The following FOXN2 variants were observed in gnomAD, a reference collection of about 807,000 sequenced individuals.
FOXN2 encodes the protein forkhead box protein N2.
Under a neutral mutation model 41.2 loss-of-function variants are expected in FOXN2, and 19 were observed. That is an observed-to-expected ratio of 0.46 (90% CI 0.32 to 0.68). The LOEUF is 0.68. Ranked by LOEUF, FOXN2 falls within the 30% of genes least tolerant of loss-of-function variation. The pLI, the probability that FOXN2 is intolerant of heterozygous loss-of-function variation, is 0.03. For synonymous variants in FOXN2, 195 were observed against 176.8 expected (o/e 1.10, Z -0.82); for missense variants, 587 against 509.4 (o/e 1.15, Z -1.47).
chr2:48,361,594 A>G (rs948289334), intron 4 of FOXN2, among the ~76,000 whole-genome samples: 5 of 152,216 alleles, frequency 3.3e-5, no homozygotes, highest in African/African-American at 1.2e-4. Context: ...TCCATCTGAC[A>G]TGCTTTTGTG....
intron 2 of FOXN2, among the ~76,000 whole-genome samples, chr2:48,345,265 A>ATAAGAAGTGTTATC (rs1436376889): frequency 1.3e-5 from 2 of 152,170 alleles, no homozygotes; most frequent in Admixed American, 6.6e-5. Context: ...AATTTAGTGA[A>ATAAGAAGTGTTATC]TAAGAAGTGT....
intron 2 of FOXN2, 96 bp from the exon 3 acceptor site, chr2:48,346,105 A>G (rs1558625323): frequency 9.2e-7 from 1 of 1,091,640 alleles, no homozygotes; most frequent in East Asian, 2.4e-5. Context: ...TGATTGCAAA[A>G]TTTCTCTGAT....
chr2:48,357,231 A>G (rs1671853242), intron 3 of FOXN2, among the ~76,000 whole-genome samples: 1 of 152,192 alleles, frequency 6.6e-6, no homozygotes, highest in East Asian at 1.9e-4. Context: ...CGTTTTCAAT[A>G]CCAGTTTTTC....
rs190417345 is a variant in FOXN2 at position 48,357,115 on chromosome 2, T to A, written c.538-1932T>A. 3.5e-4 allele frequency among the ~76,000 whole-genome samples: 54 copies of A among 152,312 alleles called. No individual in the cohort carries two copies. The East Asian group carries it at 9.1e-3, about 26-fold the overall frequency. On this transcript the variant is annotated intron_variant, in intron 3 of 6. Transcript: ENST00000340553. Reference sequence around the variant, plus strand: ...AATACAGAGTTTTATCTCTTGTTCATGATAGTTCATGAACAGACCCAGTGA... The same window carrying A: ...AATACAGAGTTTTATCTCTTGTTCAAGATAGTTCATGAACAGACCCAGTGA...
chr2:48,350,316 C>A (rs1181855040), intron 3 of FOXN2, among the ~76,000 whole-genome samples: 1 of 152,194 alleles, frequency 6.6e-6, no homozygotes, highest in Admixed American at 6.5e-5. Flanking sequence ...AAGTGAGTGA[C>A]CACTCCCTTT....
chr2:48,317,089 G>A (rs1409316693), intron 1 of FOXN2, among the ~76,000 whole-genome samples: 2 of 152,042 alleles, frequency 1.3e-5, no homozygotes, highest in Non-Finnish European at 2.9e-5. Flanking sequence ...ACTTATATAA[G>A]GCTAAGGCAG....
intron 5 of FOXN2, among the ~76,000 whole-genome samples, chr2:48,366,866 T>C (rs1672570008): frequency 6.6e-6 from 1 of 151,732 alleles, no homozygotes; most frequent in Non-Finnish European, 1.5e-5. Flanking sequence ...GCTGAAGAAC[T>C]TTAAATAGTG....
chr2:48,314,889 G>C (rs1314112548), intron 1 of FOXN2, 75 bp downstream of exon 1: 2 of 151,902 alleles, frequency 1.3e-5, no homozygotes, highest in Non-Finnish European at 2.9e-5. Context: ...TCCCGGGCGC[G>C]GAGGCAGCGC....
intron 2 of FOXN2, among the ~76,000 whole-genome samples, chr2:48,334,942 T>C (rs1353260231): frequency 6.6e-6 from 1 of 152,212 alleles, no homozygotes; most frequent in Non-Finnish European, 1.5e-5. Context: ...TCACACTAGT[T>C]TGCAGCATAA....
intron 3 of FOXN2, among the ~76,000 whole-genome samples, chr2:48,350,715 A>C (rs1671392458): frequency 6.6e-6 from 1 of 152,208 alleles, no homozygotes; most frequent in African/African-American, 2.4e-5. Context: ...GCCTGCCTGC[A>C]GTCTTCCTCT....
intron 2 of FOXN2, among the ~76,000 whole-genome samples, chr2:48,337,850 A>C (rs1392219921): frequency 6.6e-6 from 1 of 152,228 alleles, no homozygotes; most frequent in Non-Finnish European, 1.5e-5. Flanking sequence ...CAGATGTACA[A>C]GGAAAAAATT....
chr2:48,315,521 G>C (rs1167743520), intron 1 of FOXN2, among the ~76,000 whole-genome samples: 2 of 152,186 alleles, frequency 1.3e-5, no homozygotes, highest in African/African-American at 4.8e-5. Context: ...CCTGTTCGCC[G>C]CCTCCTTTGG....
In FOXN2 at chr2:48,362,695, C is replaced by G. The variant is rs138143881; in HGVS notation, c.691C>G (p.Arg231Gly). 4.3e-6 allele frequency: 7 copies of G among 1,613,432 alleles called. No individual in the cohort carries two copies. Among genetic ancestry groups the G allele is most frequent in the Non-Finnish European group, 4.2e-6 (5 of 1,179,560 alleles). Residue 231 changes from arginine to glycine, a missense_variant, in exon 5 of 7, where the codon CGA becomes GGA. Arg to Gly is a moderately radical substitution (Grantham distance 125). Coordinates refer to ENST00000340553, the MANE Select transcript of FOXN2 (RefSeq NM_002158.4). ...CTCTGTAATCAAGCAGAACCAGGTG[C>G]GAAACCTCAAAGGTATGTGTGAATA... ...LSSVIKQNQV[R>G]NLKESDIDAA...
intron 1 of FOXN2, among the ~76,000 whole-genome samples, chr2:48,317,496 G>A (rs112659851): frequency 6.7e-6 from 1 of 148,404 alleles, no homozygotes; most frequent in African/African-American, 2.5e-5. Context: ...AAGATTTGAT[G>A]CTTTGGGAAA....
At chr2:48,333,930 A>G (rs899575124) in intron 2 of FOXN2, among the ~76,000 whole-genome samples, 13 of 152,134 alleles carry the variant, frequency 8.5e-5, no homozygotes, top group Non-Finnish European at 1.3e-4. Flanking sequence ...GAAATCCAAA[A>G]TATTCTGAAT....
At chr2:48,364,556 T>C (rs193148389) in intron 5 of FOXN2, among the ~76,000 whole-genome samples, 127 of 152,364 alleles carry the variant, frequency 8.3e-4, no homozygotes, top group Non-Finnish European at 1.5e-5. Flanking sequence ...TATATCCCTT[T>C]TCCATTTATT....
chr2:48,339,988 C>T (rs1670636086), intron 2 of FOXN2, among the ~76,000 whole-genome samples: 1 of 152,068 alleles, frequency 6.6e-6, no homozygotes, highest in African/African-American at 2.4e-5. Flanking sequence ...GGGGAAAAAA[C>T]AAGTCTCAGA....
At position 48,346,574 on chromosome 2, in the gene FOXN2, C is replaced by T. The variant is rs137977780; in HGVS notation, c.360C>T (p.Leu120=). 5 of 1,613,708 alleles carry T rather than the reference C, an allele frequency of 3.1e-6. No homozygotes were observed. The African/African-American group carries it at 4.0e-5, about 13-fold the overall frequency. The change falls in exon 3 of 7, where the codon CTC becomes CTT. Residue 120 remains leucine, a synonymous_variant. Transcript: ENST00000340553. ...AGCCCCCATACTCCTTTAGTCTTCT[C>T]ATTTATATGGCCATTGAGCACTCTC... ...TSKPPYSFSL[L]IYMAIEHSPN...
chr2:48,315,383 G>A (rs1158866411), intron 1 of FOXN2, among the ~76,000 whole-genome samples: 1 of 152,148 alleles, frequency 6.6e-6, no homozygotes, highest in Non-Finnish European at 1.5e-5. Flanking sequence ...CGTTGTGGTG[G>A]GCAGAGGCGG....
Sources: allele counts gnomAD v4.1 joint callset (sites outside exome capture counted in the v4.1 genomes callset), GRCh38; gene constraint gnomAD v4.1.1; transcripts MANE v1.5; gene names NCBI Gene and HGNC (gene_info 2026-07-23, HGNC 2026-07-21).